The following ANKIB1 variants were observed in gnomAD, a reference collection of about 807,000 sequenced individuals.
The protein encoded by ANKIB1 is ankyrin repeat and IBR domain containing 1.
Under a neutral mutation model 122.1 loss-of-function variants are expected in ANKIB1, and 43 were observed. That is an observed-to-expected ratio of 0.35 (90% CI 0.28 to 0.45). The LOEUF is 0.45. Ranked by LOEUF, ANKIB1 falls within the 20% of genes least tolerant of loss-of-function variation. The probability of loss-of-function intolerance (pLI) is 1.00; values close to 1 mark genes in which losing one functional copy is unlikely to be tolerated. For missense variants in ANKIB1, 992 were observed against 1,329.5 expected (o/e 0.75, Z 3.95); for synonymous variants, 390 against 442.0 (o/e 0.88, Z 1.48).
intron 4 of ANKIB1, chr7:92,325,921 A>G (rs1803019215): frequency 4.5e-6 from 2 of 440,896 alleles, no homozygotes; most frequent in South Asian, 1.6e-5. Context: ...TTCTTTCTTT[A>G]TGTCAGTACT....
chr7:92,277,461 T>TA (rs1301145382), intron 1 of ANKIB1, among the ~76,000 whole-genome samples: 1 of 152,198 alleles, frequency 6.6e-6, no homozygotes, highest in Non-Finnish European at 1.5e-5. Flanking sequence ...GCATCTGTAT[T>TA]AGTCAGGCAG....
At chr7:92,285,418 T>C (rs1284842095) in intron 1 of ANKIB1, among the ~76,000 whole-genome samples, 1 of 152,242 alleles carries the variant, frequency 6.6e-6, no homozygotes, top group Non-Finnish European at 1.5e-5. Context: ...GTATAAGGCA[T>C]GTTTTTATAT....
chr7:92,320,047 T>C (rs1802873389), intron 4 of ANKIB1: 1 of 152,478 alleles, frequency 6.6e-6, no homozygotes, highest in Non-Finnish European at 1.5e-5. Context: ...ATGTGAGATA[T>C]GAATCCCATT....
intron 9 of ANKIB1, among the ~76,000 whole-genome samples, chr7:92,357,919 C>T (rs527726738): frequency 5.3e-5 from 8 of 151,996 alleles, no homozygotes; most frequent in South Asian, 2.1e-4. Context: ...TTCCAGATGC[C>T]GTAGTTTTTA....
rs971432830 is a variant in ANKIB1, at chr7:92,316,481, G to A, written c.487-2849G>A. Among the ~76,000 whole-genome samples, 6 of 152,152 alleles carry A rather than the reference G, an allele frequency of 3.9e-5. No individual in the cohort carries two copies. The East Asian group carries it at 9.6e-4, about 24-fold the overall frequency. On this transcript the variant is annotated intron_variant, in intron 3 of 19. Transcript: ENST00000265742. ...TCTTCCATGCCAAAGATAACATGCAGGTGGATTTTCATAGCCAAGTCTAAT... is the reference window on the plus strand; with the variant it reads ...TCTTCCATGCCAAAGATAACATGCAAGTGGATTTTCATAGCCAAGTCTAAT...
In ANKIB1 at chr7:92,400,969, G is replaced by A. The variant is rs1290784403; in HGVS notation, c.*2020G>A. On this transcript the variant is annotated 3_prime_UTR_variant, in exon 20 of 20. Coordinates refer to ENST00000265742, the MANE Select transcript of ANKIB1 (RefSeq NM_019004.2). ...GCATCACACTGAGGCATCTTGCACA[G>A]CTGCAGTTAAGGTGAGAAAGAATGC... 6.6e-6 allele frequency: 1 copy of A among 152,212 alleles called. No homozygotes were observed. The highest frequency in any genetic ancestry group is 2.4e-5 in the African/African-American group (1 of 41,440). 9.4% of individuals were successfully genotyped at this position (152,212 alleles called of 1,614,324 possible).
At chr7:92,376,778 C>T (rs563441741) in intron 11 of ANKIB1, among the ~76,000 whole-genome samples, 1 of 152,114 alleles carries the variant, frequency 6.6e-6, no homozygotes, top group Admixed American at 6.5e-5. Context: ...ATGAAGATGG[C>T]ATCTTTCCTT....
chr7:92,357,859 T>C (rs531381957), intron 9 of ANKIB1, among the ~76,000 whole-genome samples: 3 of 152,342 alleles, frequency 2.0e-5, no homozygotes, highest in African/African-American at 7.2e-5. Context: ...TCAATTAGTA[T>C]GTTTAGTGGC....
intron 1 of ANKIB1, among the ~76,000 whole-genome samples, chr7:92,286,140 A>G (rs1802117825): frequency 6.6e-6 from 1 of 152,108 alleles, no homozygotes; most frequent in South Asian, 2.1e-4. Context: ...TTTTTCTCCA[A>G]ATGAGATATT....
intron 10 of ANKIB1, among the ~76,000 whole-genome samples, chr7:92,367,809 G>A (rs549714371): frequency 3.3e-5 from 5 of 152,156 alleles, no homozygotes; most frequent in Non-Finnish European, 7.4e-5. Flanking sequence ...TTTCAGACCA[G>A]TATTTTTCAT....
At chr7:92,249,871 C>G (rs769204174) in intron 1 of ANKIB1, among the ~76,000 whole-genome samples, 6 of 152,280 alleles carry the variant, frequency 3.9e-5, no homozygotes, top group East Asian at 1.9e-4. Context: ...TCTCCCCCCC[C>G]ACACGCGAAT....
At chr7:92,297,666 G>GT (rs34265787) in intron 2 of ANKIB1, among the ~76,000 whole-genome samples, 93 of 146,094 alleles carry the variant, frequency 6.4e-4, no homozygotes, top group East Asian at 2.2e-3. Context: ...CATCTAAATG[G>GT]TTTTTTTTTT....
At position 92,400,591 on chromosome 7, in the gene ANKIB1, T is replaced by C. The variant is rs1804993610; in HGVS notation, c.*1642T>C. ...TGATTATGGGTTTTGATTACTTTTTTTTTTTCCAAACCCTGCTTTTGAAAT... is the reference window on the plus strand; with the variant it reads ...TGATTATGGGTTTTGATTACTTTTTCTTTTTCCAAACCCTGCTTTTGAAAT... On this transcript the variant is annotated 3_prime_UTR_variant, in exon 20 of 20. Transcript: ENST00000265742. 1 of 152,162 alleles carries C rather than the reference T, an allele frequency of 6.6e-6. No homozygotes were observed. Among genetic ancestry groups the C allele is most frequent in the African/African-American group, 2.4e-5 (1 of 41,438 alleles). The allele number at this position is 152,162 out of a possible 1,614,324, so 9.4% of individuals were successfully genotyped here.
intron 5 of ANKIB1, among the ~76,000 whole-genome samples, chr7:92,328,942 AATATAT>A (rs1000501780): frequency 6.7e-6 from 1 of 148,416 alleles, no homozygotes; most frequent in Non-Finnish European, 1.5e-5. Flanking sequence ...TAAAACATAT[AATATAT>A]ATATACACAC....
At chr7:92,270,047 C>T (rs1409403933) in intron 1 of ANKIB1, among the ~76,000 whole-genome samples, 3 of 146,700 alleles carry the variant, frequency 2.0e-5, no homozygotes, top group African/African-American at 7.6e-5. Context: ...TGAGTGAGAA[C>T]AGTTTCTGGT....
chr7:92,254,110 C>T (rs528418152), intron 1 of ANKIB1, among the ~76,000 whole-genome samples: 6 of 152,228 alleles, frequency 3.9e-5, no homozygotes, highest in Admixed American at 6.5e-5. Flanking sequence ...AAGCACCAAC[C>T]GGCAGATATG....
At chr7:92,394,985 C>T (rs1804854552) in intron 17 of ANKIB1, among the ~76,000 whole-genome samples, 1 of 152,124 alleles carries the variant, frequency 6.6e-6, no homozygotes, top group African/African-American at 2.4e-5. Context: ...ACAATATAAG[C>T]ATATTGAATA....
At position 92,256,514 on chromosome 7, in the gene ANKIB1, C is replaced by G. The variant is rs532409069; in HGVS notation, c.-91+9995C>G. On this transcript the variant is annotated intron_variant, in intron 1 of 19. Coordinates refer to ENST00000265742, the MANE Select transcript of ANKIB1 (RefSeq NM_019004.2). ...GCAGAGGTATGTAAAACATATAATTCCTATTTTCAAGGAGTTTGTATTTTA... is the reference window on the plus strand; with the variant it reads ...GCAGAGGTATGTAAAACATATAATTGCTATTTTCAAGGAGTTTGTATTTTA... Among the ~76,000 whole-genome samples the G allele has an allele frequency of 8.8e-4, 134 of 152,168 alleles. 3 individuals carry two copies. Among genetic ancestry groups the G allele is most frequent in the Middle Eastern group, 6.8e-3 (2 of 294 alleles).
At position 92,401,037 on chromosome 7, in the gene ANKIB1, C is replaced by T. The variant is rs1391721553; in HGVS notation, c.*2088C>T. The T allele has an allele frequency of 1.3e-5, 2 of 152,212 alleles. No individual in the cohort carries two copies. Among genetic ancestry groups the T allele is most frequent in the African/African-American group, 4.8e-5 (2 of 41,450 alleles). The allele number at this position is 152,212 out of a possible 1,614,324, so 9.4% of individuals were successfully genotyped here. On this transcript the variant is annotated 3_prime_UTR_variant, in exon 20 of 20. Transcript: ENST00000265742. ...TACACAATGGGTTCCGGTTTCCTTG[C>T]ACCTTGTGCAGTATCCTTTATTTCT...
Sources: gnomAD v4.1 joint callset for allele counts (sites outside exome capture counted in the v4.1 genomes callset) on GRCh38, gnomAD v4.1.1 for gene constraint, MANE v1.5 for transcripts, NCBI Gene and HGNC (gene_info 2026-07-23, HGNC 2026-07-21) for gene names.